The following GRXCR1 variants were observed in gnomAD, a reference collection of about 807,000 sequenced individuals.
GRXCR1 encodes the protein glutaredoxin and cysteine rich domain containing 1, also known as glutaredoxin domain-containing cysteine-rich protein 1.
In GRXCR1, 27 loss-of-function variants were observed where a neutral mutation model predicts 27.3. The observed-to-expected ratio is 0.99, with a 90% CI of 0.73 to 1.37. GRXCR1 has a LOEUF of 1.37. Ranked by LOEUF, GRXCR1 falls within the 40% of genes most tolerant of loss-of-function variation. The probability of loss-of-function intolerance (pLI) is 0.00; values close to 1 mark genes in which losing one functional copy is unlikely to be tolerated. For synonymous variants in GRXCR1, 122 were observed against 131.1 expected (o/e 0.93, Z 0.47); for missense variants, 379 against 354.4 (o/e 1.07, Z -0.56).
In GRXCR1 at chr4:42,955,965, T is replaced by C. The variant is rs542301074; in HGVS notation, c.385-6927T>C. Among the ~76,000 whole-genome samples, 19 of 152,220 alleles carry C rather than the reference T, an allele frequency of 1.2e-4. No individual in the cohort carries two copies. The South Asian group carries it at 3.7e-3, about 30-fold the overall frequency. On this transcript the variant is annotated intron_variant, in intron 1 of 3. Coordinates refer to ENST00000399770, the MANE Select transcript of GRXCR1 (RefSeq NM_001080476.3). ...GTGGATAATAATTCTTGGCCTGAAT[T>C]CCAGGATTAGTTTCAGTGGATGTGG...
chr4:42,928,089 C>T (rs1747214525), intron 1 of GRXCR1, among the ~76,000 whole-genome samples: 1 of 152,054 alleles, frequency 6.6e-6, no homozygotes, highest in East Asian at 2.0e-4. Context: ...GGAGCATTAA[C>T]TCTCCAGAAT....
chr4:42,952,783 G>A (rs1479943511), intron 1 of GRXCR1, among the ~76,000 whole-genome samples: 1 of 152,076 alleles, frequency 6.6e-6, no homozygotes, highest in African/African-American at 2.4e-5. Flanking sequence ...ACACAAAGGG[G>A]AATCACAGAG....
In GRXCR1 at chr4:42,987,222, T is replaced by TATATATTATA. The variant is rs369022273; in HGVS notation, c.627+24088_627+24089insATATATTATA. On this transcript the variant is annotated intron_variant, in intron 2 of 3. Coordinates refer to ENST00000399770, the MANE Select transcript of GRXCR1 (RefSeq NM_001080476.3). The stretch of plus-strand genomic sequence containing the variant: ...TTTTCATATATATATTATATATATA[T>TATATATTATA]TATATATTATATATATATAATATAT... Among the ~76,000 whole-genome samples, 98 of 100,568 alleles carry TATATATTATA rather than the reference T, an allele frequency of 9.7e-4. 1 individual carries two copies. The highest frequency in any genetic ancestry group is 3.7e-3 in the African/African-American group (96 of 26,156). The allele number at this position is 100,568 out of a possible 152,430, so 66.0% of individuals were successfully genotyped here.
At position 42,959,788 on chromosome 4, in the gene GRXCR1, T is replaced by C. The variant is rs575637800; in HGVS notation, c.385-3104T>C. On this transcript the variant is annotated intron_variant, in intron 1 of 3. Coordinates refer to ENST00000399770, the MANE Select transcript of GRXCR1 (RefSeq NM_001080476.3). ...TCTTTATCTAACTAGCTCTAGAACT[T>C]GGCTCTACATTAGAATCACATTAGA... Among the ~76,000 whole-genome samples the C allele has an allele frequency of 8.4e-4, 127 of 151,984 alleles. 1 individual carries two copies. Among genetic ancestry groups the C allele is most frequent in the South Asian group, 4.6e-3 (22 of 4,816 alleles).
intron 1 of GRXCR1, among the ~76,000 whole-genome samples, chr4:42,926,456 T>C (rs1400140367): frequency 1.3e-5 from 2 of 151,884 alleles, no homozygotes; most frequent in African/African-American, 2.4e-5. Context: ...ACCCAACTTA[T>C]ATTTTTAAAA....
chr4:42,929,312 G>T (rs1328525480), intron 1 of GRXCR1, among the ~76,000 whole-genome samples: 1 of 152,032 alleles, frequency 6.6e-6, no homozygotes, highest in Non-Finnish European at 1.5e-5. Flanking sequence ...CACACAGGAG[G>T]TTTGCACAGT....
In GRXCR1 at chr4:42,915,789, A is replaced by G. The variant is rs376405508; in HGVS notation, c.384+22139A>G. Among the ~76,000 whole-genome samples, 24 of 152,276 alleles carry G rather than the reference A, an allele frequency of 1.6e-4. No individual in the cohort carries two copies. In the East Asian group the frequency reaches 4.3e-3, roughly 27 times the overall value. ...TGGAGCCTATGGTTGGAGCCTATAG[A>G]TGCTTCATCCTTGCCTATTACTTTG... On this transcript the variant is annotated intron_variant, in intron 1 of 3. Coordinates refer to ENST00000399770, the MANE Select transcript of GRXCR1 (RefSeq NM_001080476.3).
chr4:42,911,585 T>A (rs1227785920), intron 1 of GRXCR1, among the ~76,000 whole-genome samples: 1 of 151,908 alleles, frequency 6.6e-6, no homozygotes, highest in Non-Finnish European at 1.5e-5. Context: ...GCAACTAGGT[T>A]TCCAAGCAGC....
At chr4:42,952,225 G>A (rs1400125646) in intron 1 of GRXCR1, among the ~76,000 whole-genome samples, 1 of 152,116 alleles carries the variant, frequency 6.6e-6, no homozygotes, top group African/African-American at 2.4e-5. Context: ...AGAAAAGAGA[G>A]CAGGGCTTTA....
At chr4:43,023,564 T>C (rs1239195315) in intron 3 of GRXCR1, among the ~76,000 whole-genome samples, 1 of 152,246 alleles carries the variant, frequency 6.6e-6, no homozygotes, top group Admixed American at 6.5e-5. Context: ...ATAGCTTCTA[T>C]GGAGATCTGG....
At chr4:42,909,858 G>T (rs532020661) in intron 1 of GRXCR1, among the ~76,000 whole-genome samples, 1 of 152,270 alleles carries the variant, frequency 6.6e-6, no homozygotes, top group African/African-American at 2.4e-5. Flanking sequence ...AAAGCCAAGT[G>T]TGAATAAAGA....
chr4:42,992,662 G>C (rs1712014029), intron 2 of GRXCR1, among the ~76,000 whole-genome samples: 3 of 151,974 alleles, frequency 2.0e-5, no homozygotes. Context: ...AAGCCATAAT[G>C]CTTAGTAGCT....
At chr4:42,897,555 T>A (rs914692444) in intron 1 of GRXCR1, among the ~76,000 whole-genome samples, 2 of 152,122 alleles carry the variant, frequency 1.3e-5, no homozygotes, top group African/African-American at 4.8e-5. Context: ...ATTGTATTTA[T>A]AAGCATTCTA....
At chr4:43,004,843 G>A (rs149235599) in intron 2 of GRXCR1, among the ~76,000 whole-genome samples, 6 of 152,316 alleles carry the variant, frequency 3.9e-5, no homozygotes, top group African/African-American at 1.4e-4. Context: ...TCTCAGATGA[G>A]ATTGTGGACA....
chr4:42,909,192 G>A (rs1232188046), intron 1 of GRXCR1, among the ~76,000 whole-genome samples: 3 of 152,170 alleles, frequency 2.0e-5, no homozygotes, highest in Admixed American at 1.3e-4. Flanking sequence ...TGCTGCAGGT[G>A]CATCTGCCAT....
At chr4:42,987,229 T>TTATATATATATATAA (rs1349228105) in intron 2 of GRXCR1, among the ~76,000 whole-genome samples, 2 of 92,236 alleles carry the variant, frequency 2.2e-5, no homozygotes, top group South Asian at 3.0e-4. Flanking sequence ...ATATTATATA[T>TTATATATATATATAA]TATATATATA....
intron 1 of GRXCR1, among the ~76,000 whole-genome samples, chr4:42,898,875 G>A (rs1435828782): frequency 2.6e-5 from 4 of 152,100 alleles, no homozygotes; most frequent in Non-Finnish European, 5.9e-5. Flanking sequence ...GGTAGGTAAA[G>A]AAGCTCTAGG....
chr4:43,006,176 G>T (rs1382058780), intron 2 of GRXCR1, among the ~76,000 whole-genome samples: 1 of 152,154 alleles, frequency 6.6e-6, no homozygotes, highest in East Asian at 1.9e-4. Context: ...AGCTGAGGAG[G>T]ATGTATATCG....
intron 2 of GRXCR1, among the ~76,000 whole-genome samples, chr4:42,987,149 A>G (rs1030625443): frequency 6.9e-6 from 1 of 144,648 alleles, no homozygotes; most frequent in Non-Finnish European, 1.5e-5. Flanking sequence ...AAGAGGAGAG[A>G]GAGACATACT....
Sources: allele counts gnomAD v4.1 joint callset (sites outside exome capture counted in the v4.1 genomes callset), GRCh38; gene constraint gnomAD v4.1.1; transcripts MANE v1.5; gene names NCBI Gene and HGNC (gene_info 2026-07-23, HGNC 2026-07-21).